THNSL1: variants seen among roughly 807,000 people sequenced by gnomAD.
THNSL1 encodes the protein threonine synthase like 1, also known as threonine synthase-like 1.
In THNSL1, 48 loss-of-function variants were observed where a neutral mutation model predicts 50.4. The observed-to-expected ratio is 0.95, with a 90% CI of 0.76 to 1.21. The LOEUF (loss-of-function observed/expected upper bound fraction) is 1.21. Among genes scored for constraint, THNSL1 ranks in the 50% most tolerant of loss-of-function variants. The pLI is 0.00. For synonymous variants in THNSL1, 309 were observed against 306.1 expected (o/e 1.01, Z -0.10); for missense variants, 896 against 871.7 (o/e 1.03, Z -0.35).
the THNSL1 span, chr10:24,982,467 AG>A: frequency 6.6e-6 from 1 of 152,198 alleles, no homozygotes; most frequent in Non-Finnish European, 1.5e-5. Context: ...TCCTTTGAAC[AG>A]GAAGAGAAAC....
the THNSL1 span, among the ~76,000 whole-genome samples, chr10:24,973,213 T>C: frequency 2.3e-3 from 343 of 152,232 alleles, 5 homozygotes; most frequent in African/African-American, 7.9e-3. Context: ...GCAGCACTAC[T>C]CCTGCACTTT....
the THNSL1 span, among the ~76,000 whole-genome samples, chr10:24,967,557 A>G: frequency 2.6e-5 from 4 of 152,300 alleles, no homozygotes; most frequent in Non-Finnish European, 4.4e-5. Flanking sequence ...AACAAATTTT[A>G]CAAGAGACTT....
At chr10:24,997,400 T>G in the THNSL1 span, among the ~76,000 whole-genome samples, 16 of 151,564 alleles carry the variant, frequency 1.1e-4, no homozygotes, top group Middle Eastern at 3.4e-3. Flanking sequence ...TTTTCCTCTT[T>G]TTTTGAGACA....
At chr10:24,988,294 A>G in the THNSL1 span, among the ~76,000 whole-genome samples, 1 of 142,638 alleles carries the variant, frequency 7.0e-6, no homozygotes, top group Non-Finnish European at 1.5e-5. Context: ...ATATTTATAT[A>G]TGTATATATA....
chr10:24,968,185 A>T, the THNSL1 span, among the ~76,000 whole-genome samples: 1 of 152,026 alleles, frequency 6.6e-6, no homozygotes, highest in Non-Finnish European at 1.5e-5. Context: ...CTTACTTTTG[A>T]TTCTAATATA....
chr10:24,986,231 C>T, the THNSL1 span, among the ~76,000 whole-genome samples: 2 of 152,120 alleles, frequency 1.3e-5, no homozygotes, highest in Admixed American at 6.6e-5. Context: ...CTTGTAGAAA[C>T]TTTCAGGGAC....
At chr10:24,989,348 G>A in the THNSL1 span, among the ~76,000 whole-genome samples, 4 of 152,294 alleles carry the variant, frequency 2.6e-5, no homozygotes, top group African/African-American at 9.6e-5. Context: ...GCTAGGCACT[G>A]GGGATGCTGC....
chr10:24,985,362 A>G, the THNSL1 span, among the ~76,000 whole-genome samples: 13 of 152,228 alleles, frequency 8.5e-5, no homozygotes, highest in Admixed American at 4.6e-4. Context: ...TCTGATGTGG[A>G]TGGCTATATT....
At chr10:25,007,144 A>G in the THNSL1 span, among the ~76,000 whole-genome samples, 63 of 152,318 alleles carry the variant, frequency 4.1e-4, no homozygotes, top group Admixed American at 2.7e-3. Context: ...GACAGTGATT[A>G]TAACAGACTG....
At chr10:24,981,008 C>T in the THNSL1 span, among the ~76,000 whole-genome samples, 1 of 152,250 alleles carries the variant, frequency 6.6e-6, no homozygotes, top group South Asian at 2.1e-4. Flanking sequence ...GCGTGAGCCA[C>T]CGCACCTGGC....
At chr10:24,970,511 A>G in the THNSL1 span, among the ~76,000 whole-genome samples, 1 of 151,750 alleles carries the variant, frequency 6.6e-6, no homozygotes, top group South Asian at 2.1e-4. Context: ...GGAGTTGGAG[A>G]CTAGCCTGGG....
the THNSL1 span, among the ~76,000 whole-genome samples, chr10:24,981,668 G>T: frequency 6.6e-6 from 1 of 152,124 alleles, no homozygotes. Context: ...ATGCTGTTAC[G>T]CACGTATTGT....
chr10:24,998,905 T>C, the THNSL1 span, among the ~76,000 whole-genome samples: 3 of 152,176 alleles, frequency 2.0e-5, no homozygotes, highest in African/African-American at 7.2e-5. Flanking sequence ...GTCTCCTCCA[T>C]TACATCTAAC....
the THNSL1 span, among the ~76,000 whole-genome samples, chr10:24,973,309 C>G: frequency 2.0e-5 from 3 of 151,664 alleles, no homozygotes; most frequent in Non-Finnish European, 4.4e-5. Context: ...ACAGCCTCGT[C>G]GACTAAGTGA....
the THNSL1 span, among the ~76,000 whole-genome samples, chr10:24,999,704 G>C: frequency 6.6e-6 from 1 of 152,250 alleles, no homozygotes; most frequent in East Asian, 1.9e-4. Flanking sequence ...CTGTCCATCA[G>C]ACTTAGATAA....
rs150828849 is a variant in THNSL1, at chr10:25,024,688, G to A, written c.1465G>A (p.Asp489Asn). ...AGTTTATCATGCTTCCGCATATCTTGATCTTGTTAGTCAAGGATTTATTTC... is the reference window on the plus strand; with the variant it reads ...AGTTTATCATGCTTCCGCATATCTTAATCTTGTTAGTCAAGGATTTATTTC... ...QVVYHASAYL[D>N]LVSQGFISFG... The change falls in exon 3 of 3, where the codon GAT (aspartate) becomes AAT (asparagine). Residue 489 changes from aspartate to asparagine, a missense_variant. Transcript: ENST00000376356. 1.3e-4 allele frequency: 202 copies of A among 1,614,198 alleles called. 1 individual carries two copies. The African/African-American group carries it at 2.2e-3, about 18-fold the overall frequency.
upstream of THNSL1, among the ~76,000 whole-genome samples, chr10:25,012,014 TG>T (rs1850458172): frequency 6.6e-6 from 1 of 152,206 alleles, no homozygotes; most frequent in East Asian, 1.9e-4. Context: ...TGTGCAATCT[TG>T]GGACTTGGTG....
the THNSL1 span, chr10:24,983,242 A>C: frequency 6.6e-5 from 10 of 152,296 alleles, no homozygotes; most frequent in African/African-American, 2.4e-4. Flanking sequence ...AAGCAACTTA[A>C]GTTGCTTACT....
upstream of THNSL1, among the ~76,000 whole-genome samples, chr10:25,015,125 C>T (rs924242250): frequency 6.6e-6 from 1 of 152,138 alleles, no homozygotes; most frequent in Non-Finnish European, 1.5e-5. Flanking sequence ...TCTTTGCTCC[C>T]CACAGATTTA....
Sources: allele counts gnomAD v4.1 joint callset (sites outside exome capture counted in the v4.1 genomes callset), GRCh38; gene constraint gnomAD v4.1.1; transcripts MANE v1.5; gene names NCBI Gene and HGNC (gene_info 2026-07-23, HGNC 2026-07-21).